Variants in FGF12 observed in about 807,000 individuals in gnomAD.
FGF12 encodes the protein fibroblast growth factor 12B.
A neutral mutation model predicts 23.6 loss-of-function variants in FGF12; 14 were observed. The ratio of observed to expected loss-of-function variants is 0.59; its 90% CI spans 0.39 to 0.93. The LOEUF is 0.93. Ranked by LOEUF, FGF12 falls within the 40% of genes least tolerant of loss-of-function variation. FGF12 has a pLI of 0.00. For missense variants in FGF12, 175 were observed against 217.8 expected (o/e 0.80, Z 1.24); for synonymous variants, 62 against 77.3 (o/e 0.80, Z 1.04).
Position 192,552,978 on chromosome 3 carries a change from A to C in FGF12, c.13+174203T>G, listed in dbSNP as rs574881740. ...TTGAAACAACAGCTGTAAAGTACTG[A>C]AAGTTTTTTAAAGTCAAGCCAGTAT... On this transcript the variant is annotated intron_variant, in intron 2 of 5. Transcript: ENST00000445105. Among the ~76,000 whole-genome samples the C allele has an allele frequency of 1.2e-4, 19 of 152,278 alleles. No individual in the cohort carries two copies. The South Asian group carries it at 3.7e-3, about 30-fold the overall frequency.
chr3:192,589,519 G>A (rs775029230), intron 2 of FGF12, among the ~76,000 whole-genome samples: 20 of 151,856 alleles, frequency 1.3e-4, no homozygotes, highest in Non-Finnish European at 2.4e-4. Context: ...AACACTGCCT[G>A]CTCCATGAGT....
chr3:192,250,531 T>A (rs1711937397), intron 4 of FGF12, among the ~76,000 whole-genome samples: 1 of 152,156 alleles, frequency 6.6e-6, no homozygotes, highest in African/African-American at 2.4e-5. Flanking sequence ...TATTAAGATT[T>A]AAATATTTCA....
At chr3:192,274,484 G>A (rs893614378) in intron 4 of FGF12, among the ~76,000 whole-genome samples, 2 of 152,226 alleles carry the variant, frequency 1.3e-5, no homozygotes, top group Admixed American at 6.5e-5. Context: ...AAATAGGAAC[G>A]TGGTCACACT....
chr3:192,557,303 G>A (rs1214586919), intron 2 of FGF12, among the ~76,000 whole-genome samples: 1 of 149,838 alleles, frequency 6.7e-6, no homozygotes, highest in Non-Finnish European at 1.5e-5. Flanking sequence ...CCTTTAGCCA[G>A]AGTATGAAAA....
In FGF12 at chr3:192,141,128, CAAAAAAAAAAAA is replaced by C. The variant is rs56933017; in HGVS notation, c.*2869_*2880del. On this transcript the variant is annotated 3_prime_UTR_variant, in exon 6 of 6. Coordinates refer to ENST00000445105, the MANE Select transcript of FGF12 (RefSeq NM_004113.6). Reference sequence around the variant, plus strand: ...CCTGGGAAAAATCCCAATGCAACTCCAAAAAAAAAAAAAAAAAAAAAAAAAAGCTTATTTTAC... The same window carrying C: ...CCTGGGAAAAATCCCAATGCAACTCCAAAAAAAAAAAAAAGCTTATTTTAC... 2.4e-5 allele frequency: 1 copy of C among 41,220 alleles called. No individual in the cohort carries two copies. The highest frequency in any genetic ancestry group is 1.1e-3 in the South Asian group (1 of 942). The allele number at this position is 41,220 out of a possible 1,614,324, so 2.6% of individuals were successfully genotyped here. A position where few individuals can be genotyped will look rare whatever the true frequency, so the allele number is the denominator to read the frequency against.
chr3:192,485,054 TTA>T (rs139300100), intron 2 of FGF12, among the ~76,000 whole-genome samples: 9,842 of 142,682 alleles, frequency 0.069, 1,335 homozygotes, highest in African/African-American at 0.28. Context: ...ATTTTAAATT[TTA>T]TATGTGTACA....
At chr3:192,178,552 G>A (rs1395800789) in intron 4 of FGF12, among the ~76,000 whole-genome samples, 1 of 152,038 alleles carries the variant, frequency 6.6e-6, no homozygotes, top group Non-Finnish European at 1.5e-5. Context: ...AGGCTGGAGT[G>A]CAGTGGCACG....
At chr3:192,382,245 CA>C (rs2108754151) in intron 2 of FGF12, among the ~76,000 whole-genome samples, 1 of 152,248 alleles carries the variant, frequency 6.6e-6, no homozygotes, top group South Asian at 2.1e-4. Flanking sequence ...CCACTCACCT[CA>C]GACTCTCAAA....
rs190246964 is a variant in FGF12, at chr3:192,205,096, C to G, written c.229-34440G>C. Among the ~76,000 whole-genome samples, 23 of 152,082 alleles carry G rather than the reference C, an allele frequency of 1.5e-4. No homozygotes were observed. In the East Asian group the frequency reaches 4.3e-3, roughly 28 times the overall value. ...AAGCATGTGTTGTGGAAGAAGTATC[C>G]TCTGTTATCTTTTGGGAGGACAAAT... On this transcript the variant is annotated intron_variant, in intron 4 of 5. Coordinates refer to ENST00000445105, the MANE Select transcript of FGF12 (RefSeq NM_004113.6).
At chr3:192,614,979 C>A (rs943523040) in intron 2 of FGF12, among the ~76,000 whole-genome samples, 2 of 151,764 alleles carry the variant, frequency 1.3e-5, no homozygotes, top group Non-Finnish European at 2.9e-5. Context: ...AAAATAAAAT[C>A]ATCTTGACCA....
chr3:192,385,429 A>C (rs887232178), intron 2 of FGF12, among the ~76,000 whole-genome samples: 2 of 152,178 alleles, frequency 1.3e-5, no homozygotes, highest in African/African-American at 2.4e-5. Context: ...AAATTTATAA[A>C]TCAAGGTAAC....
intron 2 of FGF12, among the ~76,000 whole-genome samples, chr3:192,436,510 G>T (rs922488041): frequency 6.6e-6 from 1 of 152,178 alleles, no homozygotes; most frequent in Non-Finnish European, 1.5e-5. Context: ...GCCCACAATT[G>T]GAAAACCTCC....
At chr3:192,437,790 G>A (rs186059116) in intron 2 of FGF12, among the ~76,000 whole-genome samples, 4 of 151,496 alleles carry the variant, frequency 2.6e-5, no homozygotes, top group Admixed American at 2.0e-4. Context: ...CAGTCTCTTT[G>A]TAATCTGGAA....
chr3:192,273,038 TG>T (rs1007944887), intron 4 of FGF12, among the ~76,000 whole-genome samples: 1 of 152,206 alleles, frequency 6.6e-6, no homozygotes, highest in African/African-American at 2.4e-5. Flanking sequence ...AGAGAACAGG[TG>T]AAGTGGATAG....
chr3:192,320,793 T>C (rs2108681651), intron 4 of FGF12, among the ~76,000 whole-genome samples: 1 of 152,030 alleles, frequency 6.6e-6, no homozygotes, highest in South Asian at 2.1e-4. Context: ...TATACCCAAA[T>C]CTATAGGATA....
At chr3:192,261,715 C>A (rs917914144) in intron 4 of FGF12, among the ~76,000 whole-genome samples, 5 of 152,154 alleles carry the variant, frequency 3.3e-5, no homozygotes, top group Non-Finnish European at 5.9e-5. Context: ...ACAGTGGTTA[C>A]AAATAGATGA....
intron 2 of FGF12, among the ~76,000 whole-genome samples, chr3:192,507,167 C>T (rs1351399681): frequency 1.3e-5 from 2 of 152,132 alleles, no homozygotes; most frequent in African/African-American, 4.8e-5. Flanking sequence ...GCTGGGATTA[C>T]AGGCGTGAGC....
intron 3 of FGF12, among the ~76,000 whole-genome samples, chr3:192,348,536 G>C (rs1313391058): frequency 6.6e-6 from 1 of 152,074 alleles, no homozygotes; most frequent in Non-Finnish European, 1.5e-5. Context: ...CAAGTTCACT[G>C]TTTAGCCTGT....
intron 2 of FGF12, among the ~76,000 whole-genome samples, chr3:192,412,205 C>A (rs1296919192): frequency 3.3e-5 from 5 of 152,284 alleles, no homozygotes; most frequent in Non-Finnish European, 4.4e-5. Context: ...CACCGCCACC[C>A]TGCGCCCCCT....
Sources: gnomAD v4.1 joint callset for allele counts (sites outside exome capture counted in the v4.1 genomes callset) on GRCh38, gnomAD v4.1.1 for gene constraint, MANE v1.5 for transcripts, NCBI Gene and HGNC (gene_info 2026-07-23, HGNC 2026-07-21) for gene names.